FYB2: variants seen among roughly 807,000 people sequenced by gnomAD.
The protein encoded by FYB2 is FYN binding protein 2.
A neutral mutation model predicts 94.1 loss-of-function variants in FYB2; 103 were observed. The observed-to-expected ratio is 1.09, with a 90% CI of 0.93 to 1.29. The LOEUF is 1.29. FYB2 is among the 50% of genes most tolerant of loss of function. The pLI, the probability that FYB2 is intolerant of heterozygous loss-of-function variation, is 0.00. For synonymous variants in FYB2, 293 were observed against 287.9 expected, an observed-to-expected ratio of 1.02 and a Z score of -0.18; for missense variants, 896 against 841.5, an observed-to-expected ratio of 1.06 and a Z score of -0.80.
chr1:56,791,307 G>C (rs1223763350), intron 2 of FYB2, among the ~76,000 whole-genome samples: 1 of 151,016 alleles, frequency 6.6e-6, no homozygotes, highest in African/African-American at 2.4e-5. Context: ...CCAGGCTGGA[G>C]TGAAGTGGTA....
intron 3 of FYB2, among the ~76,000 whole-genome samples, chr1:56,787,763 C>T (rs1351705117): frequency 6.6e-6 from 1 of 152,178 alleles, no homozygotes; most frequent in African/African-American, 2.4e-5. Context: ...AGTTCAGAAG[C>T]TGGGATCTAC....
chr1:56,758,096 T>C (rs1645402096), intron 6 of FYB2, among the ~76,000 whole-genome samples: 1 of 152,004 alleles, frequency 6.6e-6, no homozygotes, highest in African/African-American at 2.4e-5. Flanking sequence ...CACCATTTTA[T>C]AGAGGACACA....
intron 4 of FYB2, among the ~76,000 whole-genome samples, chr1:56,782,435 A>G (rs1037044726): frequency 1.3e-5 from 2 of 152,098 alleles, no homozygotes. Flanking sequence ...TAAGGCATCT[A>G]TTCCTCACTT....
intron 5 of FYB2, among the ~76,000 whole-genome samples, chr1:56,759,454 T>C (rs375368922): frequency 2.1e-3 from 318 of 152,238 alleles, no homozygotes; most frequent in African/African-American, 7.2e-3. Flanking sequence ...CTGCATAGCA[T>C]GTTACTGTAC....
chr1:56,822,646 T>C (rs1646998956), upstream of FYB2, among the ~76,000 whole-genome samples: 1 of 151,966 alleles, frequency 6.6e-6, no homozygotes, highest in Non-Finnish European at 1.5e-5. Context: ...TGCTTGGAGC[T>C]CTGCAGTGTC....
Position 56,792,229 on chromosome 1 carries a change from G to C in FYB2, c.584C>G (p.Pro195Arg). ...GGGGGCCACCACGTGCTTCTGGGAA[G>C]GAAGAGTCTGGGCTCCTTTTGTTTC... The part of the protein sequence containing the change: ...KLETKGAQTL[P>R]SQKHVVAPKI... Residue 195 changes from proline (P) to arginine (R), a missense_variant, in exon 2 of 20, where the codon CCT (proline) becomes CGT (arginine). Physicochemically the swap from Pro to Arg is moderately radical, Grantham distance 103 (BLOSUM62 -2). Transcript: ENST00000343433. 1 of 1,613,628 alleles carries C rather than the reference G, an allele frequency of 6.2e-7. No homozygotes were observed. Among genetic ancestry groups the C allele is most frequent in the Non-Finnish European group, 8.5e-7 (1 of 1,179,864 alleles).
At chr1:56,806,935 G>A (rs936277630) in intron 1 of FYB2, among the ~76,000 whole-genome samples, 5 of 152,082 alleles carry the variant, frequency 3.3e-5, no homozygotes, top group Non-Finnish European at 5.9e-5. Context: ...TGGGGATCAC[G>A]GCCTGAAGTC....
chr1:56,785,260 G>A (rs569795477), intron 4 of FYB2, among the ~76,000 whole-genome samples: 15 of 152,278 alleles, frequency 9.9e-5, no homozygotes, highest in African/African-American at 3.6e-4. Context: ...GGAAAAATGT[G>A]TATCTAGTTA....
rs963100151 is a variant in FYB2 at position 56,783,068 on chromosome 1, G to A, written c.953+4107C>T. On this transcript the variant is annotated intron_variant, in intron 4 of 19. Coordinates refer to ENST00000343433, the MANE Select transcript of FYB2 (RefSeq NM_001004303.5). ...GTGATGACAAAGAATAATCTCCAAA[G>A]AGCCATCTCACTGTTGGAAACTAAT... 5.3e-5 allele frequency among the ~76,000 whole-genome samples: 8 copies of A among 152,114 alleles called. 1 individual carries two copies. The highest frequency in any genetic ancestry group is 1.9e-4 in the African/African-American group (8 of 41,414).
chr1:56,826,212 T>A, the FYB2 span, among the ~76,000 whole-genome samples: 3 of 152,192 alleles, frequency 2.0e-5, no homozygotes, highest in African/African-American at 4.8e-5. Context: ...GGTTTAGTCC[T>A]GGGAGGGGTA....
chr1:56,724,890 T>C (rs1644554999), intron 16 of FYB2, among the ~76,000 whole-genome samples: 1 of 151,988 alleles, frequency 6.6e-6, no homozygotes, highest in African/African-American at 2.4e-5. Context: ...TGGGAGATGT[T>C]TGGGTCATGG....
chr1:56,787,479 G>A (rs1646159159), intron 3 of FYB2, among the ~76,000 whole-genome samples: 2 of 152,186 alleles, frequency 1.3e-5, no homozygotes, highest in South Asian at 4.1e-4. Context: ...CCCCTGTGGG[G>A]TTTATCTCTT....
chr1:56,785,824 T>C lies in FYB2; in HGVS notation c.953+1351A>G, dbSNP rs1314499184. Among the ~76,000 whole-genome samples, 6 of 152,318 alleles carry C rather than the reference T, an allele frequency of 3.9e-5. No individual in the cohort carries two copies. In the South Asian group the frequency reaches 6.2e-4, roughly 16 times the overall value. ...ATTTCAAATGTTTCCTCTTCGGGGA[T>C]AGGTTGACTGGATCAATACCCCATT... is the stretch of plus-strand genomic sequence containing the variant. On this transcript the variant is annotated intron_variant, in intron 4 of 19. Transcript: ENST00000343433.
chr1:56,724,220 C>T (rs899603349), intron 16 of FYB2, among the ~76,000 whole-genome samples: 4 of 151,948 alleles, frequency 2.6e-5, no homozygotes, highest in Non-Finnish European at 4.4e-5. Context: ...AATCGAAGAG[C>T]TCTCCAGTTT....
intron 9 of FYB2, among the ~76,000 whole-genome samples, chr1:56,749,688 T>C (rs1645150144): frequency 6.6e-6 from 1 of 152,046 alleles, no homozygotes; most frequent in South Asian, 2.1e-4. Flanking sequence ...TTTCCCTCAC[T>C]GTGAGTTGTT....
At chr1:56,721,602 G>C (rs559290777) in intron 17 of FYB2, among the ~76,000 whole-genome samples, 2 of 149,850 alleles carry the variant, frequency 1.3e-5, no homozygotes, top group Non-Finnish European at 3.0e-5. Flanking sequence ...ACTCCTTATT[G>C]CTTTCAAGAT....
In FYB2 at chr1:56,819,166, C is replaced by A. The variant is rs555990994; in HGVS notation, c.9+116G>T. The A allele has an allele frequency of 4.0e-3, 4,748 of 1,176,614 alleles. 42 individuals carry two copies. Among genetic ancestry groups the A allele is most frequent in the Non-Finnish European group, 3.4e-3 (2,916 of 860,906 alleles). The allele number at this position is 1,176,614 out of a possible 1,614,324, so 72.9% of individuals were successfully genotyped here. On this transcript the variant is annotated intron_variant, in intron 1 of 19. Transcript: ENST00000343433. The stretch of plus-strand genomic sequence containing the variant: ...CTGGCTGACACCTGACATGTTTATT[C>A]CTGCCCAGGAGGCAGCACACACAAG...
chr1:56,799,404 A>G (rs1302900525), intron 1 of FYB2, among the ~76,000 whole-genome samples: 2 of 152,182 alleles, frequency 1.3e-5, no homozygotes, highest in African/African-American at 2.4e-5. Context: ...TAATCACACC[A>G]TTGAAACAAA....
chr1:56,737,719 C>T (rs535178532), intron 14 of FYB2: 1 of 152,260 alleles, frequency 6.6e-6, no homozygotes, highest in South Asian at 2.1e-4. Context: ...CATAGAATTA[C>T]ATGATTTTCA....
Sources: gnomAD v4.1 joint callset for allele counts (sites outside exome capture counted in the v4.1 genomes callset) on GRCh38, gnomAD v4.1.1 for gene constraint, MANE v1.5 for transcripts, NCBI Gene and HGNC (gene_info 2026-07-23, HGNC 2026-07-21) for gene names.